RBFOX1: variants seen among roughly 807,000 people sequenced by gnomAD.
The protein encoded by RBFOX1 is RNA binding fox-1 homolog 1, also known as RNA binding protein fox-1 homolog 1.
Under a neutral mutation model 57.7 loss-of-function variants are expected in RBFOX1, and 8 were observed. That is an observed-to-expected ratio of 0.14 (90% CI 0.08 to 0.25). The LOEUF is 0.25. Ranked by LOEUF, RBFOX1 falls within the 10% of genes least tolerant of loss-of-function variation. The pLI is 1.00. For synonymous variants in RBFOX1, 326 were observed against 222.4 expected (o/e 1.47, Z -4.15); for missense variants, 611 against 548.5 (o/e 1.11, Z -1.14).
chr16:7,068,561 C>T (rs917119460), intron 4 of RBFOX1, among the ~76,000 whole-genome samples: 1 of 152,144 alleles, frequency 6.6e-6, no homozygotes, highest in African/African-American at 2.4e-5. Context: ...CATAATAGTA[C>T]TGACTCTTTG....
At chr16:7,267,964 G>A (rs541138155) in intron 4 of RBFOX1, among the ~76,000 whole-genome samples, 2 of 152,304 alleles carry the variant, frequency 1.3e-5, no homozygotes, top group Admixed American at 6.5e-5. Context: ...GAAACAAATC[G>A]TTAGGCAATC....
At chr16:6,950,867 C>G (rs897378879) in intron 3 of RBFOX1, among the ~76,000 whole-genome samples, 5 of 151,258 alleles carry the variant, frequency 3.3e-5, no homozygotes, top group Admixed American at 6.6e-5. Context: ...CTGTTTTTGT[C>G]TCTCTTTCTC....
intron 1 of RBFOX1, among the ~76,000 whole-genome samples, chr16:6,315,215 C>T (rs1174645005): frequency 1.3e-5 from 2 of 152,152 alleles, no homozygotes; most frequent in African/African-American, 4.8e-5. Flanking sequence ...AGTGACTTGG[C>T]CATGGTCACA....
chr16:6,762,304 T>C (rs1403580647), intron 3 of RBFOX1, among the ~76,000 whole-genome samples: 1 of 152,190 alleles, frequency 6.6e-6, no homozygotes, highest in African/African-American at 2.4e-5. Context: ...ATACTGACTT[T>C]TGGTCTTCAG....
intron 1 of RBFOX1, among the ~76,000 whole-genome samples, chr16:6,308,968 T>C (rs1165552011): frequency 3.9e-5 from 6 of 152,024 alleles, no homozygotes; most frequent in Non-Finnish European, 7.4e-5. Flanking sequence ...TCTCTGCTTC[T>C]ACAAGAATAC....
chr16:6,648,277 T>C (rs530840728), intron 2 of RBFOX1, among the ~76,000 whole-genome samples: 1 of 151,952 alleles, frequency 6.6e-6, no homozygotes, highest in African/African-American at 2.4e-5. Flanking sequence ...TCCAGGCTGG[T>C]CTTCAACTCC....
chr16:6,697,935 G>T (rs1483838125), intron 3 of RBFOX1, among the ~76,000 whole-genome samples: 1 of 152,136 alleles, frequency 6.6e-6, no homozygotes, highest in African/African-American at 2.4e-5. Flanking sequence ...TAAAACATCT[G>T]TTCTATTAAG....
chr16:7,301,781 G>A (rs184171821), intron 4 of RBFOX1, among the ~76,000 whole-genome samples: 242 of 152,278 alleles, frequency 1.6e-3, no homozygotes, highest in African/African-American at 5.5e-3. Context: ...GAACCCGTCC[G>A]TACAGCAGAT....
At chr16:6,760,138 A>G (rs921084203) in intron 3 of RBFOX1, among the ~76,000 whole-genome samples, 1 of 151,612 alleles carries the variant, frequency 6.6e-6, no homozygotes, top group Non-Finnish European at 1.5e-5. Context: ...TTTTCTTAAG[A>G]AAAAAAAATG....
chr16:5,570,604 C>T (rs769646420), intron 2 of RBFOX1, among the ~76,000 whole-genome samples: 5 of 152,004 alleles, frequency 3.3e-5, no homozygotes, highest in Non-Finnish European at 7.4e-5. Flanking sequence ...CTTTGGGAGG[C>T]CAAGGAAGAA....
intron 3 of RBFOX1, among the ~76,000 whole-genome samples, chr16:6,983,131 G>C (rs900830529): frequency 1.3e-5 from 2 of 151,720 alleles, no homozygotes; most frequent in Non-Finnish European, 2.9e-5. Flanking sequence ...AAAACTCTTA[G>C]CTGTTCCATT....
intron 5 of RBFOX1, among the ~76,000 whole-genome samples, chr16:7,534,010 T>C (rs2080830991): frequency 6.6e-6 from 1 of 151,906 alleles, no homozygotes; most frequent in African/African-American, 2.4e-5. Flanking sequence ...TTGTTCCAAA[T>C]AGTGGCACCA....
At chr16:5,913,289 C>T (rs951655572) in intron 4 of RBFOX1, among the ~76,000 whole-genome samples, 3 of 152,142 alleles carry the variant, frequency 2.0e-5, no homozygotes, top group Non-Finnish European at 4.4e-5. Context: ...TTGTTTCGAC[C>T]CACGCAGGGG....
chr16:5,865,088 A>T (rs1478630193), intron 3 of RBFOX1, among the ~76,000 whole-genome samples: 2 of 152,190 alleles, frequency 1.3e-5, no homozygotes, highest in Non-Finnish European at 2.9e-5. Context: ...AAACACTAAA[A>T]GTATGACTTG....
At chr16:6,682,475 G>C (rs1296183094) in intron 3 of RBFOX1, among the ~76,000 whole-genome samples, 1 of 152,188 alleles carries the variant, frequency 6.6e-6, no homozygotes, top group East Asian at 1.9e-4. Context: ...TAATGACATT[G>C]AATGTGCTTA....
At chr16:7,172,246 T>C (rs2080843878) in intron 4 of RBFOX1, among the ~76,000 whole-genome samples, 1 of 152,178 alleles carries the variant, frequency 6.6e-6, no homozygotes, top group African/African-American at 2.4e-5. Flanking sequence ...TCAATAAATT[T>C]ACCACCATAG....
chr16:5,308,142 C>G (rs963097241), intron 1 of RBFOX1, among the ~76,000 whole-genome samples: 1 of 152,116 alleles, frequency 6.6e-6, no homozygotes, highest in South Asian at 2.1e-4. Flanking sequence ...GAGTTCGAGA[C>G]CAGCCTAGCC....
At chr16:7,298,839 TGAGGAG>T (rs957604961) in intron 4 of RBFOX1, among the ~76,000 whole-genome samples, 3 of 152,088 alleles carry the variant, frequency 2.0e-5, no homozygotes, top group African/African-American at 4.8e-5. Context: ...TGAGGTAGGC[TGAGGAG>T]GAGGAGGAGG....
chr16:7,263,996 C>G (rs9938263), intron 4 of RBFOX1, among the ~76,000 whole-genome samples: 94,467 of 150,948 alleles, frequency 0.63, 30,291 homozygotes, highest in African/African-American at 0.75. Context: ...AAGATCTTGG[C>G]GGTTTTGTTA....
Sources: allele counts gnomAD v4.1 joint callset (sites outside exome capture counted in the v4.1 genomes callset), GRCh38; gene constraint gnomAD v4.1.1; transcripts MANE v1.5; gene names NCBI Gene and HGNC (gene_info 2026-07-23, HGNC 2026-07-21).